Variants in KIF13B observed in about 807,000 individuals in gnomAD.
KIF13B encodes kinesin-like protein KIF13B.
In KIF13B, 127 loss-of-function variants were observed where a neutral mutation model predicts 222.0. The observed-to-expected ratio is 0.57, with a 90% CI of 0.50 to 0.66. The LOEUF (loss-of-function observed/expected upper bound fraction) is 0.66. Among genes scored for constraint, KIF13B ranks in the 30% least tolerant of loss-of-function variants. The pLI, the probability that KIF13B is intolerant of heterozygous loss-of-function variation, is 0.00. For missense variants in KIF13B, 2,173 were observed against 2,379.0 expected, an observed-to-expected ratio of 0.91 and a Z score of 1.80; for synonymous variants, 976 against 919.0, an observed-to-expected ratio of 1.06 and a Z score of -1.12.
chr8:29,196,118 A>C (rs781139165), intron 3 of KIF13B, 69 bp downstream of exon 3: 2 of 1,276,210 alleles, frequency 1.6e-6, no homozygotes, highest in Non-Finnish European at 2.2e-6. Context: ...TGAGAAGAAA[A>C]CTTCTAAGAG....
intron 20 of KIF13B, 87 bp from the exon 21 acceptor site, chr8:29,140,278 T>C (rs945686132): frequency 6.4e-7 from 1 of 1,554,666 alleles, no homozygotes; most frequent in African/African-American, 1.4e-5. Flanking sequence ...TACAGTCAAG[T>C]TGTCAGGTTA....
chr8:29,188,616 G>A lies in KIF13B; in HGVS notation c.224-9C>T, dbSNP rs1349755043. On this transcript the variant is annotated splice_polypyrimidine_tract_variant and intron_variant, in intron 4 of 39. Coordinates refer to ENST00000524189, the MANE Select transcript of KIF13B (RefSeq NM_015254.4). Reference sequence around the variant, plus strand: ...GAAAACAATATCTTGACCTGAGAGAGAGAGAATAAGAGAAAAGATATTTTA... The same window carrying A: ...GAAAACAATATCTTGACCTGAGAGAAAGAGAATAAGAGAAAAGATATTTTA... 6.4e-7 allele frequency: 1 copy of A among 1,550,658 alleles called. No individual in the cohort carries two copies. The highest frequency in any genetic ancestry group is 8.8e-7 in the Non-Finnish European group (1 of 1,132,194).
chr8:29,203,892 C>CAAA (rs11432771), intron 2 of KIF13B, among the ~76,000 whole-genome samples: 2,467 of 64,094 alleles, frequency 0.038, 166 homozygotes, highest in African/African-American at 0.11. Flanking sequence ...AGTTCCGTCT[C>CAAA]AAAAAAAAAA....
rs548500889 is a variant in KIF13B, at chr8:29,098,742, G to GA, written c.4324+390dup. Among the ~76,000 whole-genome samples the GA allele has an allele frequency of 4.0e-3, 580 of 146,428 alleles. 6 individuals are homozygous for GA. Among genetic ancestry groups the GA allele is most frequent in the Non-Finnish European group, 4.2e-3 (280 of 66,444 alleles). The stretch of plus-strand genomic sequence containing the variant: ...TACTAATCTTACATAAACTCTCCCA[G>GA]AAAAAAAAAATGAGGAGAAACATTT... On this transcript the variant is annotated intron_variant, in intron 36 of 39. Transcript: ENST00000524189.
chr8:29,152,083 A>G (rs2130033681), intron 14 of KIF13B, among the ~76,000 whole-genome samples: 1 of 152,248 alleles, frequency 6.6e-6, no homozygotes, highest in South Asian at 2.1e-4. Context: ...TTAGGGGAGG[A>G]AGTAACTGCA....
At chr8:29,087,492 C>A (rs564031502) in intron 37 of KIF13B, among the ~76,000 whole-genome samples, 11 of 152,298 alleles carry the variant, frequency 7.2e-5, no homozygotes, top group Admixed American at 7.2e-4. Flanking sequence ...TATTTTCACA[C>A]ATCAATTAGA....
chr8:29,186,345 C>T lies in KIF13B; in HGVS notation c.444G>A (p.Val148=), dbSNP rs1812926634. ...TTTCATTATAAATTTCCATGTAGGA[C>T]ACTTCTACTTTAAAACTCTGTTCTT... ...ENEEQSFKVE[V]SYMEIYNEKV... Residue 148 remains valine, a synonymous_variant, in exon 6 of 40, where the codon GTG becomes GTA. Coordinates refer to ENST00000524189, the MANE Select transcript of KIF13B (RefSeq NM_015254.4). 7 of 1,613,698 alleles carry T rather than the reference C, an allele frequency of 4.3e-6. No homozygotes were observed. Among genetic ancestry groups the T allele is most frequent in the Non-Finnish European group, 5.9e-6 (7 of 1,179,706 alleles).
At chr8:29,210,641 T>C (rs1468189518) in intron 2 of KIF13B, among the ~76,000 whole-genome samples, 2 of 152,182 alleles carry the variant, frequency 1.3e-5, no homozygotes, top group Non-Finnish European at 2.9e-5. Context: ...TAAGATGGGA[T>C]CCTGAGACTT....
chr8:29,084,218 G>T (rs551028106), intron 37 of KIF13B, among the ~76,000 whole-genome samples: 5 of 152,198 alleles, frequency 3.3e-5, no homozygotes, highest in South Asian at 2.1e-4. Context: ...ACCCGACCGT[G>T]TTTTCTTCTT....
At chr8:29,139,915 A>G (rs1302326931) in intron 21 of KIF13B, 148 bp downstream of exon 21, 2 of 722,516 alleles carry the variant, frequency 2.8e-6, no homozygotes, top group Admixed American at 3.0e-5. Context: ...GAAAAGGAAC[A>G]TAATACTTAC....
intron 37 of KIF13B, among the ~76,000 whole-genome samples, chr8:29,080,247 T>C (rs1182420165): frequency 6.8e-6 from 1 of 148,112 alleles, no homozygotes; most frequent in African/African-American, 2.5e-5. Context: ...TGAGAATTGC[T>C]TGAGCCCAGA....
chr8:29,203,711 T>C (rs1586921464), intron 2 of KIF13B, among the ~76,000 whole-genome samples: 1 of 151,738 alleles, frequency 6.6e-6, no homozygotes, highest in African/African-American at 2.4e-5. Flanking sequence ...GCCAATATGG[T>C]GAAACCCTGT....
At chr8:29,162,529 C>T (rs200050464) in intron 12 of KIF13B, among the ~76,000 whole-genome samples, 2 of 152,172 alleles carry the variant, frequency 1.3e-5, no homozygotes, top group African/African-American at 4.8e-5. Context: ...TTGAAAAAGA[C>T]TCATGTCCAT....
intron 2 of KIF13B, among the ~76,000 whole-genome samples, chr8:29,215,658 C>T (rs936476723): frequency 4.6e-5 from 7 of 152,222 alleles, no homozygotes; most frequent in Non-Finnish European, 1.0e-4. Flanking sequence ...CACCACTGCA[C>T]TCCAGCAGGG....
intron 2 of KIF13B, among the ~76,000 whole-genome samples, chr8:29,208,956 GT>G (rs1208659199): frequency 3.3e-5 from 5 of 152,148 alleles, no homozygotes; most frequent in Non-Finnish European, 7.3e-5. Flanking sequence ...CCAAGTGATG[GT>G]GGCCAACTCC....
At chr8:29,127,877 A>G (rs10097307) in intron 24 of KIF13B, among the ~76,000 whole-genome samples, 125,395 of 151,982 alleles carry the variant, frequency 0.83, 52,367 homozygotes, top group Non-Finnish European at 0.87. Context: ...TATTTTATAC[A>G]TTCAATAACT....
At chr8:29,143,848 AAATAAT>A (rs551324430) in intron 18 of KIF13B, among the ~76,000 whole-genome samples, 1 of 152,056 alleles carries the variant, frequency 6.6e-6, no homozygotes, top group Non-Finnish European at 1.5e-5. Flanking sequence ...GTCTCAAAAA[AAATAAT>A]AATAATAAAA....
At chr8:29,143,011 C>A (rs1810888887) in intron 18 of KIF13B, among the ~76,000 whole-genome samples, 1 of 152,044 alleles carries the variant, frequency 6.6e-6, no homozygotes, top group Non-Finnish European at 1.5e-5. Flanking sequence ...TGCCAATACA[C>A]CCAGCTAATT....
At chr8:29,166,696 C>T (rs1383556922) in intron 11 of KIF13B, among the ~76,000 whole-genome samples, 1 of 121,088 alleles carries the variant, frequency 8.3e-6, no homozygotes, top group Admixed American at 8.6e-5. Context: ...AAGAGTGAAA[C>T]TCCACCTCAA....
Sources: allele counts gnomAD v4.1 joint callset (sites outside exome capture counted in the v4.1 genomes callset), GRCh38; gene constraint gnomAD v4.1.1; transcripts MANE v1.5; gene names NCBI Gene and HGNC (gene_info 2026-07-23, HGNC 2026-07-21).